The following FAR2 variants were observed in gnomAD, a reference collection of about 807,000 sequenced individuals.
The protein encoded by FAR2 is fatty acyl-CoA reductase 2, also known as epididymis secretory protein Li 81.
Under a neutral mutation model 56.0 loss-of-function variants are expected in FAR2, and 19 were observed. The observed-to-expected ratio is 0.34, with a 90% CI of 0.24 to 0.50. FAR2 has a LOEUF of 0.50. Among genes scored for constraint, FAR2 ranks in the 20% least tolerant of loss-of-function variants. The pLI, the probability that FAR2 is intolerant of heterozygous loss-of-function variation, is 0.98. For synonymous variants in FAR2, 219 were observed against 218.8 expected (o/e 1.00, Z -0.01); for missense variants, 508 against 642.2 (o/e 0.79, Z 2.26).
intron 1 of FAR2, among the ~76,000 whole-genome samples, chr12:29,257,302 C>T (rs1249983185): frequency 2.0e-5 from 3 of 151,612 alleles, no homozygotes; most frequent in Non-Finnish European, 4.4e-5. Flanking sequence ...TTTGTGTGGA[C>T]ACTCTGTATC....
chr12:29,296,138 TTC>T (rs768255096), intron 3 of FAR2, among the ~76,000 whole-genome samples: 3 of 152,354 alleles, frequency 2.0e-5, no homozygotes, highest in South Asian at 4.1e-4. Flanking sequence ...AAAAAGCTGC[TTC>T]TGTTTTCCAT....
At chr12:29,157,306 C>T (rs1272952892) in intron 1 of FAR2, among the ~76,000 whole-genome samples, 1 of 151,804 alleles carries the variant, frequency 6.6e-6, no homozygotes, top group Non-Finnish European at 1.5e-5. Context: ...ATTTTGTATC[C>T]TTAACTGCTG....
chr12:29,184,321 A>G (rs542791121), intron 1 of FAR2, among the ~76,000 whole-genome samples: 2 of 151,706 alleles, frequency 1.3e-5, no homozygotes, highest in South Asian at 4.2e-4. Flanking sequence ...AATACCACTC[A>G]GAGTTCAAGA....
At chr12:29,322,071 A>G in intron 10 of FAR2, 147 bp downstream of exon 10, 2 of 904,340 alleles carry the variant, frequency 2.2e-6, no homozygotes, top group East Asian at 3.1e-5. Flanking sequence ...AAATCAGTCA[A>G]TGCTATCAAC....
At chr12:29,320,053 A>T (rs1385959423) in intron 9 of FAR2, among the ~76,000 whole-genome samples, 1 of 152,094 alleles carries the variant, frequency 6.6e-6, no homozygotes, top group African/African-American at 2.4e-5. Flanking sequence ...ATAAAATTTA[A>T]AAACGTTGTC....
chr12:29,167,841 A>AG (rs1236140486), intron 1 of FAR2, among the ~76,000 whole-genome samples: 1 of 152,218 alleles, frequency 6.6e-6, no homozygotes, highest in Non-Finnish European at 1.5e-5. Context: ...GGTAAATTGC[A>AG]GCTTTGACCA....
At chr12:29,238,686 C>T (rs1314235461) in intron 1 of FAR2, among the ~76,000 whole-genome samples, 1 of 152,030 alleles carries the variant, frequency 6.6e-6, no homozygotes, top group African/African-American at 2.4e-5. Flanking sequence ...GACATTTAAT[C>T]CCGAGAAAAA....
intron 1 of FAR2, among the ~76,000 whole-genome samples, chr12:29,248,327 G>A (rs1236241057): frequency 3.3e-5 from 5 of 152,212 alleles, no homozygotes; most frequent in Admixed American, 2.6e-4. Flanking sequence ...GAAATAAAGG[G>A]ACAGAGTACA....
At position 29,229,079 on chromosome 12, in the gene FAR2, C is replaced by T. The variant is rs563730847; in HGVS notation, c.-38-41333C>T. 2.6e-5 allele frequency among the ~76,000 whole-genome samples: 4 copies of T among 152,214 alleles called. No individual in the cohort carries two copies. The South Asian group carries it at 8.3e-4, about 32-fold the overall frequency. On this transcript the variant is annotated intron_variant, in intron 1 of 11. Coordinates refer to ENST00000536681, the MANE Select transcript of FAR2 (RefSeq NM_001271783.2). The stretch of plus-strand genomic sequence containing the variant: ...ATTTTAATGCAAGAAAGAGTGTATT[C>T]TAAAGCCTGTCTTCCCCGCTGAGTA...
chr12:29,155,220 C>A (rs1017108517), intron 1 of FAR2, among the ~76,000 whole-genome samples: 1 of 152,240 alleles, frequency 6.6e-6, no homozygotes, highest in Non-Finnish European at 1.5e-5. Flanking sequence ...GAAGACTCCC[C>A]AGGGCCTCTT....
rs1948968209 is a variant in FAR2 at position 29,291,573 on chromosome 12, A to C, written c.190-1727A>C. The C allele has an allele frequency of 9.5e-6, 4 of 418,992 alleles. No individual in the cohort carries two copies. The Admixed American group carries it at 1.1e-4, about 11-fold the overall frequency. The allele number at this position is 418,992 out of a possible 1,614,324, so 26.0% of individuals were successfully genotyped here. On this transcript the variant is annotated intron_variant, in intron 2 of 11. Coordinates refer to ENST00000536681, the MANE Select transcript of FAR2 (RefSeq NM_001271783.2). ...TCAATTGGGGGACTTGGTGTGAAAT[A>C]CAGATTCCTGGGTGTGCCCTAGTAA...
At chr12:29,271,173 A>G (rs1045023301) in intron 2 of FAR2, among the ~76,000 whole-genome samples, 11 of 152,228 alleles carry the variant, frequency 7.2e-5, no homozygotes, top group Admixed American at 2.0e-4. Flanking sequence ...TAAGGTAAAA[A>G]CATTGGAAAT....
At chr12:29,306,084 G>C (rs1949250633) in intron 4 of FAR2, among the ~76,000 whole-genome samples, 1 of 151,870 alleles carries the variant, frequency 6.6e-6, no homozygotes, top group Admixed American at 6.6e-5. Context: ...AATGGTCTCA[G>C]GTCAGTCAAT....
intron 1 of FAR2, among the ~76,000 whole-genome samples, chr12:29,225,452 A>G (rs571665618): frequency 6.6e-6 from 1 of 152,248 alleles, no homozygotes; most frequent in East Asian, 1.9e-4. Flanking sequence ...TACTATTACT[A>G]TATTATTATT....
intron 1 of FAR2, among the ~76,000 whole-genome samples, chr12:29,187,413 GTA>G (rs553676814): frequency 2.4e-3 from 365 of 151,492 alleles, no homozygotes; most frequent in African/African-American, 8.3e-3. Context: ...AGTAAGAAGC[GTA>G]TATATATATA....
intron 1 of FAR2, among the ~76,000 whole-genome samples, chr12:29,244,150 T>C (rs1379929951): frequency 1.3e-5 from 2 of 152,238 alleles, no homozygotes; most frequent in East Asian, 1.9e-4. Context: ...CAATATCTGA[T>C]TGAGTTAAAA....
At position 29,193,452 on chromosome 12, in the gene FAR2, G is replaced by T. The variant is rs559010334; in HGVS notation, c.-39+44045G>T. ...AACCACTGATCATTTTTACTGCCTC[G>T]ATAGTTCTGCCTTTTACAGAGTGTC... On this transcript the variant is annotated intron_variant, in intron 1 of 11. Coordinates refer to ENST00000536681, the MANE Select transcript of FAR2 (RefSeq NM_001271783.2). Among the ~76,000 whole-genome samples the T allele has an allele frequency of 7.7e-4, 117 of 152,126 alleles. 1 individual carries two copies. The highest frequency in any genetic ancestry group is 2.7e-3 in the African/African-American group (111 of 41,484).
chr12:29,240,893 C>T (rs1948021331), intron 1 of FAR2, among the ~76,000 whole-genome samples: 1 of 152,106 alleles, frequency 6.6e-6, no homozygotes, highest in African/African-American at 2.4e-5. Flanking sequence ...GCAGCCTCCG[C>T]TTCCTGGGTT....
At chr12:29,280,460 G>T (rs1209731504) in intron 2 of FAR2, 1 of 152,256 alleles carries the variant, frequency 6.6e-6, no homozygotes, top group East Asian at 1.9e-4. Flanking sequence ...TGCGGGAAAG[G>T]AAAGTATAAT....
Sources: gnomAD v4.1 joint callset for allele counts (sites outside exome capture counted in the v4.1 genomes callset) on GRCh38, gnomAD v4.1.1 for gene constraint, MANE v1.5 for transcripts, NCBI Gene and HGNC (gene_info 2026-07-23, HGNC 2026-07-21) for gene names.